The following NOP9 variants were observed in gnomAD, a reference collection of about 807,000 sequenced individuals.
NOP9 encodes the protein nucleolar protein 9.
A neutral mutation model predicts 63.0 loss-of-function variants in NOP9; 50 were observed. The observed-to-expected ratio is 0.79, with a 90% CI of 0.63 to 1.00. The LOEUF (loss-of-function observed/expected upper bound fraction) is 1.00. Among genes scored for constraint, NOP9 ranks in the 50% least tolerant of loss-of-function variants. The pLI is 0.00. For synonymous variants in NOP9, 343 were observed against 332.8 expected, an observed-to-expected ratio of 1.03 and a Z score of -0.33; for missense variants, 758 against 803.0, an observed-to-expected ratio of 0.94 and a Z score of 0.68.
intron 9 of NOP9, 110 bp from the exon 10 acceptor site, chr14:24,304,827 AC>A: frequency 3.2e-6 from 4 of 1,263,274 alleles, no homozygotes; most frequent in Non-Finnish European, 2.2e-6. Flanking sequence ...TGAAGTGTTC[AC>A]TTTATCCCAG....
chr14:24,307,563 G>T lies in NOP9; in HGVS notation c.*2468G>T, dbSNP rs11158635. The T allele has an allele frequency of 0.2, 312,097 of 1,592,022 alleles. 33,480 individuals carry two copies. The highest frequency in any genetic ancestry group is 0.35 in the Admixed American group (20,700 of 58,974). On this transcript the variant is annotated 3_prime_UTR_variant, in exon 10 of 10. Transcript: ENST00000267425. ...AAGAAGGGGCGAGGAGGGGCTTGGT[G>T]AGTGTAAAGGGCATGATGAGGGTAG...
At chr14:24,272,640 G>C in the NOP9 span, among the ~76,000 whole-genome samples, 1 of 152,204 alleles carries the variant, frequency 6.6e-6, no homozygotes, top group Non-Finnish European at 1.5e-5. Flanking sequence ...TAAAAGTGCT[G>C]AGTGGCTCCT....
At position 24,306,639 on chromosome 14, in the gene NOP9, C is replaced by G; in HGVS notation, c.*1544C>G. On this transcript the variant is annotated 3_prime_UTR_variant, in exon 10 of 10. Coordinates refer to ENST00000267425, the MANE Select transcript of NOP9 (RefSeq NM_174913.3). The stretch of plus-strand genomic sequence containing the variant: ...TTGGTCGATGTCCCACTTTGACTTT[C>G]CGGCACTTTGATACCTCCTAAAGGT... 1 of 1,381,070 alleles carries G rather than the reference C, an allele frequency of 7.2e-7. No homozygotes were observed. Among genetic ancestry groups the G allele is most frequent in the Non-Finnish European group, 1.0e-6 (1 of 990,610 alleles). 85.6% of individuals were successfully genotyped at this position (1,381,070 alleles called of 1,614,324 possible).
At chr14:24,291,466 C>T in the NOP9 span, 4 of 1,408,228 alleles carry the variant, frequency 2.8e-6, no homozygotes, top group Non-Finnish European at 4.0e-6. Flanking sequence ...TGTTCCTCAA[C>T]CAACTCCCGA....
the NOP9 span, among the ~76,000 whole-genome samples, chr14:24,287,038 C>T: frequency 6.6e-5 from 10 of 152,004 alleles, no homozygotes; most frequent in East Asian, 1.9e-4. Flanking sequence ...TACAGGTGCA[C>T]GCCACCACAC....
upstream of NOP9, chr14:24,296,677 G>T: frequency 2.0e-5 from 32 of 1,613,632 alleles, no homozygotes; most frequent in Non-Finnish European, 2.6e-5. Context: ...TGGGGATGAA[G>T]ATGCAGGGGT....
rs2041348705 is a variant in NOP9 at position 24,300,408 on chromosome 14, A to T, written c.248A>T (p.Asp83Val). Reference protein sequence around the residue: ...KEAPETGEERDLMVHNIMKEV... With the variant: ...KEAPETGEERVLMVHNIMKEV... The stretch of plus-strand genomic sequence containing the variant: ...AAGTGTGTCTTTCTTCCCTTTTCAG[A>T]TCTGATGGTGCACAATATAATGAAG... The change falls in exon 2 of 10, where the codon GAT (aspartate) becomes GTT (valine). Residue 83 changes from aspartate to valine, a missense_variant and splice_region_variant. Coordinates refer to ENST00000267425, the MANE Select transcript of NOP9 (RefSeq NM_174913.3). The T allele has an allele frequency of 1.9e-6, 3 of 1,610,066 alleles. No individual in the cohort carries two copies. The African/African-American group carries it at 4.0e-5, about 21-fold the overall frequency.
chr14:24,307,369 A>G lies in NOP9; in HGVS notation c.*2274A>G. 6.2e-7 allele frequency: 1 copy of G among 1,612,110 alleles called. No individual in the cohort carries two copies. The highest frequency in any genetic ancestry group is 8.5e-7 in the Non-Finnish European group (1 of 1,178,904). The stretch of plus-strand genomic sequence containing the variant: ...AGGAACCGAGGAACTTGGCCTACTT[A>G]CTTTGGCTAGCAGCTCCTGGCGGGT... On this transcript the variant is annotated 3_prime_UTR_variant, in exon 10 of 10. Transcript: ENST00000267425.
Position 24,306,213 on chromosome 14 carries a change from G to C in NOP9, c.*1118G>C, listed in dbSNP as rs1277697683. 6.5e-6 allele frequency: 10 copies of C among 1,544,648 alleles called. No homozygotes were observed. The highest frequency in any genetic ancestry group is 8.9e-6 in the Non-Finnish European group (10 of 1,127,524). ...ACTAATCTCCATCAGCACTGGGTCA[G>C]ACCCTCCCTCGCTTGGACTTTCTGT... is the stretch of plus-strand genomic sequence containing the variant. On this transcript the variant is annotated 3_prime_UTR_variant, in exon 10 of 10. Coordinates refer to ENST00000267425, the MANE Select transcript of NOP9 (RefSeq NM_174913.3).
the NOP9 span, chr14:24,292,530 G>T: frequency 6.4e-7 from 1 of 1,557,070 alleles, no homozygotes; most frequent in Non-Finnish European, 8.8e-7. Flanking sequence ...CCATGGATGA[G>T]GCAGAGGAGG....
Position 24,299,922 on chromosome 14 carries a change from A to G in NOP9, c.-33A>G. On this transcript the variant is annotated 5_prime_UTR_variant, in exon 1 of 10. Transcript: ENST00000267425. ...TCGAAGGTCCGTCCGCAGTTAAGGA[A>G]GCTTTTGCAGCCGGACAGGTCGCGA... The G allele has an allele frequency of 6.6e-7, 1 of 1,513,106 alleles. No homozygotes were observed. Among genetic ancestry groups the G allele is most frequent in the African/African-American group, 1.4e-5 (1 of 71,756 alleles). 93.7% of individuals were successfully genotyped at this position (1,513,106 alleles called of 1,614,324 possible). A position where few individuals can be genotyped will look rare whatever the true frequency, so the allele number is the denominator to read the frequency against.
Position 24,306,576 on chromosome 14 carries a change from T to G in NOP9, c.*1481T>G. 1 of 1,610,212 alleles carries G rather than the reference T, an allele frequency of 6.2e-7. No homozygotes were observed. Among genetic ancestry groups the G allele is most frequent in the Non-Finnish European group, 8.5e-7 (1 of 1,176,840 alleles). Reference sequence around the variant, plus strand: ...CAGGTCTTATCCCATGCCCCTTCCCTCTTTAGCTGCCCAACATCCATCAGT... The same window carrying G: ...CAGGTCTTATCCCATGCCCCTTCCCGCTTTAGCTGCCCAACATCCATCAGT... On this transcript the variant is annotated 3_prime_UTR_variant, in exon 10 of 10. Transcript: ENST00000267425.
At chr14:24,281,217 T>G in the NOP9 span, among the ~76,000 whole-genome samples, 1 of 152,140 alleles carries the variant, frequency 6.6e-6, no homozygotes, top group African/African-American at 2.4e-5. Context: ...GTTTTGAGGC[T>G]GAGGTGTGGT....
the NOP9 span, among the ~76,000 whole-genome samples, chr14:24,290,053 C>T: frequency 6.6e-6 from 1 of 152,260 alleles, no homozygotes; most frequent in East Asian, 1.9e-4. Context: ...GCCCTTGGCT[C>T]CTCTTAGGAA....
At position 24,300,478 on chromosome 14, in the gene NOP9, C is replaced by T. The variant is rs200199640; in HGVS notation, c.318C>T (p.Gly106=). ...TAGCTTTGTCCACGAACAGGACTGGCAGTGAGATGCTGCAGGAACTGTTGG... is the reference window on the plus strand; with the variant it reads ...TAGCTTTGTCCACGAACAGGACTGGTAGTGAGATGCTGCAGGAACTGTTGG... ...QALALSTNRT[G]SEMLQELLGF... Residue 106 remains glycine, a synonymous_variant, in exon 2 of 10, where the codon GGC becomes GGT. Coordinates refer to ENST00000267425, the MANE Select transcript of NOP9 (RefSeq NM_174913.3). 5 of 1,614,206 alleles carry T rather than the reference C, an allele frequency of 3.1e-6. No homozygotes were observed. In the East Asian group the frequency reaches 6.7e-5, roughly 22 times the overall value.
Position 24,301,736 on chromosome 14 carries a change from TAGG to T in NOP9, c.808+19_808+21del, listed in dbSNP as rs1358794677. 2 of 1,613,094 alleles carry T rather than the reference TAGG, an allele frequency of 1.2e-6. No individual in the cohort carries two copies. The highest frequency in any genetic ancestry group is 1.7e-6 in the Non-Finnish European group (2 of 1,179,212). ...AGGACATTGCAGGTAAGGAGGGAAG[TAGG>T]AGGATGGTCTCGTATCTACTTGTCT... On this transcript the variant is annotated intron_variant, in intron 3 of 9. Coordinates refer to ENST00000267425, the MANE Select transcript of NOP9 (RefSeq NM_174913.3).
chr14:24,301,506 T>C lies in NOP9; in HGVS notation c.698-106T>C, dbSNP rs1405830440. The stretch of plus-strand genomic sequence containing the variant: ...AGAAGAGACATTTAGTTGTACTACA[T>C]CTGTTCTGCATCTCCAAGCGGAATC... On this transcript the variant is annotated intron_variant, in intron 2 of 9. Coordinates refer to ENST00000267425, the MANE Select transcript of NOP9 (RefSeq NM_174913.3). 2.2e-6 allele frequency: 3 copies of C among 1,365,638 alleles called. No homozygotes were observed. The African/African-American group carries it at 4.3e-5, about 20-fold the overall frequency. The allele number at this position is 1,365,638 out of a possible 1,614,324, so 84.6% of individuals were successfully genotyped here.
the NOP9 span, among the ~76,000 whole-genome samples, chr14:24,282,955 C>T: frequency 6.6e-6 from 1 of 152,188 alleles, no homozygotes; most frequent in African/African-American, 2.4e-5. Context: ...GCTGAGTTCC[C>T]CGGGAGGCTT....
Position 24,304,363 on chromosome 14 carries a change from A to G in NOP9, c.1647+86A>G, listed in dbSNP as rs75684920. 5 of 1,342,836 alleles carry G rather than the reference A, an allele frequency of 3.7e-6. No individual in the cohort carries two copies. The African/African-American group carries it at 7.2e-5, about 19-fold the overall frequency. 83.2% of individuals were successfully genotyped at this position (1,342,836 alleles called of 1,614,324 possible). A position where few individuals can be genotyped will look rare whatever the true frequency, so the allele number is the denominator to read the frequency against. On this transcript the variant is annotated intron_variant, in intron 8 of 9. Transcript: ENST00000267425. ...TCCCTGGACTGTACCTTCAGACTCA[A>G]AAAGGCTATGTAATTCCTAGACTAT...
Sources: gnomAD v4.1 joint callset for allele counts (sites outside exome capture counted in the v4.1 genomes callset) on GRCh38, gnomAD v4.1.1 for gene constraint, MANE v1.5 for transcripts, NCBI Gene and HGNC (gene_info 2026-07-23, HGNC 2026-07-21) for gene names.